Variants in NBPF3 observed in about 807,000 individuals in gnomAD.
The protein encoded by NBPF3 is NBPF member 3.
A neutral mutation model predicts 78.1 loss-of-function variants in NBPF3; 57 were observed. The observed-to-expected ratio is 0.73, with a 90% CI of 0.59 to 0.91. The LOEUF (loss-of-function observed/expected upper bound fraction) is 0.91. Among genes scored for constraint, NBPF3 ranks in the 40% least tolerant of loss-of-function variants. The probability of loss-of-function intolerance (pLI) is 0.00; values close to 1 mark genes in which losing one functional copy is unlikely to be tolerated. For synonymous variants in NBPF3, 182 were observed against 271.7 expected, an observed-to-expected ratio of 0.67 and a Z score of 3.25; for missense variants, 510 against 715.3, an observed-to-expected ratio of 0.71 and a Z score of 3.27.
At position 21,472,853 on chromosome 1, in the gene NBPF3, C is replaced by A. The variant is rs139898385; in HGVS notation, c.672C>A (p.Asp224Glu). 6.2e-7 allele frequency: 1 copy of A among 1,609,886 alleles called. No homozygotes were observed. The highest frequency in any genetic ancestry group is 1.3e-5 in the African/African-American group (1 of 74,782). The change falls in exon 6 of 15, where the codon GAC (aspartate) becomes GAA (glutamate). Residue 224 changes from aspartate to glutamate, a missense_variant. Physicochemically the swap from Asp to Glu is conservative, Grantham distance 45. Around this residue, in one of 5 missense-constraint regions of NBPF3, gnomAD observed 440 missense variants for 478.2 expected, o/e 0.92. Coordinates refer to ENST00000318249, the MANE Select transcript of NBPF3 (RefSeq NM_032264.6). ...CTTCTGTATTTACAGAAAATGATGA[C>A]GATGAGGATGAAGATGTTAAAGTTG... The part of the protein sequence containing the change: ...LVQKLSPEND[D>E]DEDEDVKVEE...
At chr1:21,449,458 C>CTTTA (rs57877174) in intron 2 of NBPF3, among the ~76,000 whole-genome samples, 34,049 of 150,374 alleles carry the variant, frequency 0.23, 4,069 homozygotes, top group South Asian at 0.36. Flanking sequence ...AACGAACCAT[C>CTTTA]TTTATTTATT....
At chr1:21,454,889 C>G (rs953691977) in intron 2 of NBPF3, among the ~76,000 whole-genome samples, 2 of 152,212 alleles carry the variant, frequency 1.3e-5, no homozygotes, top group Non-Finnish European at 2.9e-5. Flanking sequence ...CCTGGATTCG[C>G]TGGGTCTTCT....
Position 21,467,317 on chromosome 1 carries a change from C to T in NBPF3, c.134-1371C>T, listed in dbSNP as rs947362061. On this transcript the variant is annotated intron_variant, in intron 2 of 14. Coordinates refer to ENST00000318249, the MANE Select transcript of NBPF3 (RefSeq NM_032264.6). ...ACTGCACCCTCAACTCAGGCAAGTC[C>T]AGCAGCCAATCTTAGGAGACCTGGG... 82 of 985,326 alleles carry T rather than the reference C, an allele frequency of 8.3e-5. No homozygotes were observed. The Admixed American group carries it at 9.8e-4, about 12-fold the overall frequency. The allele number at this position is 985,326 out of a possible 1,614,324, so 61.0% of individuals were successfully genotyped here.
At chr1:21,466,001 G>C (rs1242797492) in intron 2 of NBPF3, 1 of 446,362 alleles carries the variant, frequency 2.2e-6, no homozygotes. Context: ...TATTAGGGAA[G>C]TGGAAACACA....
At chr1:21,456,184 C>T (rs535732793) in intron 2 of NBPF3, among the ~76,000 whole-genome samples, 5 of 152,244 alleles carry the variant, frequency 3.3e-5, no homozygotes, top group South Asian at 2.1e-4. Context: ...CCAAAGTGAT[C>T]GATCAGACAG....
In NBPF3 at chr1:21,476,766, T is replaced by G. The variant is rs552081332; in HGVS notation, c.993-1378T>G. On this transcript the variant is annotated intron_variant, in intron 8 of 14. Coordinates refer to ENST00000318249, the MANE Select transcript of NBPF3 (RefSeq NM_032264.6). The surrounding 1 kb of genome is among the most constrained non-coding windows in gnomAD (Gnocchi z 4.1). ...ACAATTATGTGTCTTGGAGTTGCTCTTCTCGAGGAGTATCTTTGTGGTGTT... is the reference window on the plus strand; with the variant it reads ...ACAATTATGTGTCTTGGAGTTGCTCGTCTCGAGGAGTATCTTTGTGGTGTT... Among the ~76,000 whole-genome samples, 1 of 152,324 alleles carries G rather than the reference T, an allele frequency of 6.6e-6. No individual in the cohort carries two copies. The highest frequency in any genetic ancestry group is 1.9e-4 in the East Asian group (1 of 5,188).
intron 2 of NBPF3, among the ~76,000 whole-genome samples, chr1:21,464,928 G>A (rs1407611898): frequency 3.3e-5 from 5 of 149,432 alleles, no homozygotes; most frequent in East Asian, 3.9e-4. Flanking sequence ...GATCGCTTGA[G>A]CCCAGAAGTT....
Position 21,447,501 on chromosome 1 carries a change from G to A in NBPF3, c.133+2282G>A, listed in dbSNP as rs868143090. Among the ~76,000 whole-genome samples, 3 of 152,254 alleles carry A rather than the reference G, an allele frequency of 2.0e-5. No homozygotes were observed. The South Asian group carries it at 6.2e-4, about 32-fold the overall frequency. On this transcript the variant is annotated intron_variant, in intron 2 of 14. Coordinates refer to ENST00000318249, the MANE Select transcript of NBPF3 (RefSeq NM_032264.6). Reference sequence around the variant, plus strand: ...CCAAGAATGTCCTAGAGTTGGAATGGTACAGGATGTGGGTTTCCAGACTGG... The same window carrying A: ...CCAAGAATGTCCTAGAGTTGGAATGATACAGGATGTGGGTTTCCAGACTGG...
intron 1 of NBPF3, among the ~76,000 whole-genome samples, chr1:21,441,294 A>G (rs1640632526): frequency 6.6e-6 from 1 of 152,218 alleles, no homozygotes; most frequent in South Asian, 2.1e-4. Context: ...AAATTTCACT[A>G]GTGAACCAGA....
intron 2 of NBPF3, among the ~76,000 whole-genome samples, chr1:21,462,010 G>A (rs1187973708): frequency 1.1e-4 from 16 of 151,838 alleles, no homozygotes; most frequent in African/African-American, 3.9e-4. Context: ...TTATTAAAAA[G>A]TGCCTCTCAC....
At chr1:21,437,642 T>A (rs2147874570), upstream of NBPF3, 2 of 321,752 alleles carry the variant, frequency 6.2e-6, no homozygotes, top group East Asian at 6.7e-5. Flanking sequence ...CGCCACTAGC[T>A]ACATGTGCCT....
chr1:21,470,856 G>A lies in NBPF3; in HGVS notation c.446+122G>A, dbSNP rs1244301926. 8.4e-6 allele frequency: 5 copies of A among 594,036 alleles called. No individual in the cohort carries two copies. In the East Asian group the frequency reaches 9.3e-5, roughly 11 times the overall value. 36.8% of individuals were successfully genotyped at this position (594,036 alleles called of 1,614,324 possible). ...GGGAAGGGCAGGAATTGCCATGGCA[G>A]GCTCACGACACACAAAGATTTATCA... On this transcript the variant is annotated intron_variant, in intron 4 of 14. Coordinates refer to ENST00000318249, the MANE Select transcript of NBPF3 (RefSeq NM_032264.6).
chr1:21,448,427 C>A (rs1447534382), intron 2 of NBPF3, among the ~76,000 whole-genome samples: 1 of 151,972 alleles, frequency 6.6e-6, no homozygotes. Flanking sequence ...CCTTCATGGA[C>A]GATCAGTGGA....
chr1:21,457,004 T>C (rs567650879), intron 2 of NBPF3, among the ~76,000 whole-genome samples: 2 of 152,336 alleles, frequency 1.3e-5, no homozygotes, highest in African/African-American at 4.8e-5. Flanking sequence ...ATTAGTGAGT[T>C]TGGTAATGTT....
At chr1:21,459,758 T>C (rs4654750) in intron 2 of NBPF3, 293,483 of 334,176 alleles carry the variant, frequency 0.88, 132,600 homozygotes, top group South Asian at 0.96. Context: ...GCAGGCCCAG[T>C]GTCTTGGCAA....
Position 21,478,140 on chromosome 1 carries a change from T to G in NBPF3, c.993-4T>G. On this transcript the variant is annotated splice_region_variant and splice_polypyrimidine_tract_variant and intron_variant, in intron 8 of 14. Coordinates refer to ENST00000318249, the MANE Select transcript of NBPF3 (RefSeq NM_032264.6). ...TGTCATCCCTGTCCTGCCTGGCTCA[T>G]CAGGAATCTGCAGGAGTCTGAAGAG... is the stretch of plus-strand genomic sequence containing the variant. 2 of 1,613,918 alleles carry G rather than the reference T, an allele frequency of 1.2e-6. No individual in the cohort carries two copies. Among genetic ancestry groups the G allele is most frequent in the Non-Finnish European group, 1.7e-6 (2 of 1,180,034 alleles).
At chr1:21,453,119 C>T (rs1481327208) in intron 2 of NBPF3, among the ~76,000 whole-genome samples, 6 of 152,196 alleles carry the variant, frequency 3.9e-5, no homozygotes, top group Non-Finnish European at 8.8e-5. Flanking sequence ...TCTCATGCCA[C>T]TCGGGGCTCG....
intron 2 of NBPF3, among the ~76,000 whole-genome samples, chr1:21,451,114 G>C (rs1041262180): frequency 1.1e-4 from 16 of 152,258 alleles, no homozygotes; most frequent in African/African-American, 3.9e-4. Flanking sequence ...TATGGCTTCT[G>C]TTGCACTCAA....
At chr1:21,465,440 A>C (rs371628598) in intron 2 of NBPF3, among the ~76,000 whole-genome samples, 4 of 152,266 alleles carry the variant, frequency 2.6e-5, no homozygotes, top group Admixed American at 2.6e-4. Flanking sequence ...ACTTTGATCA[A>C]CTTGGGGGTG....
Sources: allele counts gnomAD v4.1 joint callset (sites outside exome capture counted in the v4.1 genomes callset), GRCh38; gene constraint gnomAD v4.1.1; regional missense constraint gnomAD v4.1.1; non-coding constraint Gnocchi (gnomAD v3.1); transcripts MANE v1.5; gene names NCBI Gene and HGNC (gene_info 2026-07-23, HGNC 2026-07-21).